NUP210L: variants seen among roughly 807,000 people sequenced by gnomAD.
NUP210L encodes the protein nucleoporin 210 like, also known as nuclear pore membrane glycoprotein 210-like.
NUP210L carries 74 observed loss-of-function variants against 208.5 expected under a neutral mutation model. That is an observed-to-expected ratio of 0.35 (90% CI 0.29 to 0.43). The LOEUF is 0.43. Among genes scored for constraint, NUP210L ranks in the 20% least tolerant of loss-of-function variants. The probability of loss-of-function intolerance (pLI) is 1.00; values close to 1 mark genes in which losing one functional copy is unlikely to be tolerated. For synonymous variants in NUP210L, 780 were observed against 816.9 expected, an observed-to-expected ratio of 0.95 and a Z score of 0.77; for missense variants, 1,843 against 2,289.4, an observed-to-expected ratio of 0.81 and a Z score of 3.98.
intron 35 of NUP210L, among the ~76,000 whole-genome samples, chr1:154,008,219 C>G (rs1366461752): frequency 6.6e-6 from 1 of 152,080 alleles, no homozygotes; most frequent in Non-Finnish European, 1.5e-5. Context: ...ATATATGTGT[C>G]TACCCTGTAA....
intron 25 of NUP210L, among the ~76,000 whole-genome samples, chr1:154,053,925 A>G (rs1653668047): frequency 6.6e-6 from 1 of 152,202 alleles, no homozygotes; most frequent in Non-Finnish European, 1.5e-5. Flanking sequence ...TACCCCATAA[A>G]TACATATATT....
At chr1:154,050,644 C>T (rs752268426) in intron 25 of NUP210L, among the ~76,000 whole-genome samples, 16 of 152,156 alleles carry the variant, frequency 1.1e-4, no homozygotes, top group Non-Finnish European at 1.5e-4. Flanking sequence ...GTCCCTCTCA[C>T]GAAGGCATAA....
intron 2 of NUP210L, among the ~76,000 whole-genome samples, chr1:154,149,187 GT>G (rs1291292951): frequency 1.4e-5 from 2 of 147,888 alleles, no homozygotes; most frequent in African/African-American, 5.0e-5. Context: ...CCGGGTCCAA[GT>G]GATTCTCCTG....
At chr1:154,131,905 T>C (rs113652370) in intron 7 of NUP210L, among the ~76,000 whole-genome samples, 3 of 152,066 alleles carry the variant, frequency 2.0e-5, no homozygotes, top group East Asian at 3.9e-4. Context: ...CCTAGGTTCA[T>C]GCGATTCTCC....
At chr1:154,032,242 T>C (rs935223932) in intron 27 of NUP210L, among the ~76,000 whole-genome samples, 15 of 152,198 alleles carry the variant, frequency 9.9e-5, no homozygotes, top group Non-Finnish European at 1.5e-5. Context: ...GTTGGGATCA[T>C]ATGGTAGTTT....
chr1:154,085,137 G>A (rs888232221), intron 16 of NUP210L, among the ~76,000 whole-genome samples: 1 of 147,488 alleles, frequency 6.8e-6, no homozygotes, highest in African/African-American at 2.5e-5. Flanking sequence ...CATGAGATCA[G>A]GAGCTTGAGA....
At chr1:154,076,882 C>G (rs1428290925) in intron 16 of NUP210L, among the ~76,000 whole-genome samples, 1 of 151,932 alleles carries the variant, frequency 6.6e-6, no homozygotes, top group Admixed American at 6.6e-5. Context: ...AACATCAATC[C>G]ATCAACATCA....
chr1:154,034,449 C>T (rs1448965566), intron 27 of NUP210L, among the ~76,000 whole-genome samples: 1 of 152,068 alleles, frequency 6.6e-6, no homozygotes, highest in African/African-American at 2.4e-5. Context: ...CTGCTTCAGC[C>T]TCCCGAGTAG....
In NUP210L at chr1:154,071,311, C is replaced by T. The variant is rs576788704; in HGVS notation, c.2362-846G>A. Among the ~76,000 whole-genome samples the T allele has an allele frequency of 2.3e-4, 35 of 151,196 alleles. 1 individual carries two copies. In the South Asian group the frequency reaches 5.6e-3, roughly 24 times the overall value. On this transcript the variant is annotated intron_variant, in intron 16 of 39. Coordinates refer to ENST00000368559, the Ensembl canonical transcript of NUP210L. ...TTTAATTTTTAAATTTTTTTATGTC[C>T]GTAAGTTTTTGGGGAACAGGTGGTA...
At chr1:154,142,688 C>T (rs528286420) in intron 3 of NUP210L, among the ~76,000 whole-genome samples, 32 of 151,840 alleles carry the variant, frequency 2.1e-4, no homozygotes, top group African/African-American at 6.3e-4. Context: ...GCCAGGAGTT[C>T]GAGACCAGCC....
intron 12 of NUP210L, among the ~76,000 whole-genome samples, chr1:154,116,933 G>C (rs1657361004): frequency 6.6e-6 from 1 of 152,204 alleles, no homozygotes; most frequent in African/African-American, 2.4e-5. Context: ...AAGCACTGGA[G>C]TAAACACTAT....
intron 27 of NUP210L, chr1:154,039,790 G>T (rs750012639): frequency 6.6e-6 from 1 of 152,048 alleles, no homozygotes; most frequent in Non-Finnish European, 1.5e-5. Context: ...CCTTACTTGG[G>T]TTAAATCTGC....
chr1:154,102,071 A>C (rs2148065626), intron 13 of NUP210L, among the ~76,000 whole-genome samples: 1 of 152,258 alleles, frequency 6.6e-6, no homozygotes, highest in East Asian at 1.9e-4. Context: ...GAATCACTTG[A>C]ACCTGGGAGG....
intron 20 of NUP210L, among the ~76,000 whole-genome samples, chr1:154,059,853 A>C (rs1654047640): frequency 6.6e-6 from 1 of 152,186 alleles, no homozygotes; most frequent in Non-Finnish European, 1.5e-5. Flanking sequence ...TATTTTTATT[A>C]CTATAAATCA....
chr1:154,152,855 T>C (rs1468136009), exon 2 of NUP210L: 1 of 1,614,098 alleles, frequency 6.2e-7, no homozygotes, highest in Non-Finnish European at 8.5e-7. Flanking sequence ...AGTAACTGCA[T>C]CATGATGGGT....
In NUP210L at chr1:154,129,338, ATGAAC is replaced by A. The variant is rs1658135516; in HGVS notation, c.1012_1016del (p.Val338TyrfsTer46). 1 of 1,607,952 alleles carries A rather than the reference ATGAAC, an allele frequency of 6.2e-7. No homozygotes were observed. Among genetic ancestry groups the A allele is most frequent in the Non-Finnish European group, 8.5e-7 (1 of 1,176,420 alleles). ...TTGGGAGTCCAGACACAGATCGCAT[ATGAAC>A]ATCTTAATTTTTGCTTAAGGAAATC... is the stretch of plus-strand genomic sequence containing the variant. On this transcript the variant is annotated frameshift_variant and splice_region_variant, in exon 8 of 40. Coordinates refer to ENST00000368559, the Ensembl canonical transcript of NUP210L. LOFTEE classifies it high-confidence loss of function.
intron 1 of NUP210L, 95 bp from the exon 2 acceptor site, chr1:154,152,967 T>C: frequency 9.6e-7 from 1 of 1,040,606 alleles, no homozygotes; most frequent in Non-Finnish European, 1.5e-6. Flanking sequence ...TGTTACATAC[T>C]ACCAGGTATA....
chr1:153,993,107 A>G lies in NUP210L; in HGVS notation c.5492-18T>C. On this transcript the variant is annotated intron_variant, in intron 38 of 39. Transcript: ENST00000368559. Reference sequence around the variant, plus strand: ...ATTGTATGCTGGAAAAAGGACAGGAAATGTCACAAGGCATATCTGAGGAAG... The same window carrying G: ...ATTGTATGCTGGAAAAAGGACAGGAGATGTCACAAGGCATATCTGAGGAAG... 1 of 1,601,866 alleles carries G rather than the reference A, an allele frequency of 6.2e-7. No individual in the cohort carries two copies. The highest frequency in any genetic ancestry group is 8.5e-7 in the Non-Finnish European group (1 of 1,171,888).
chr1:154,080,241 T>C (rs1655249985), intron 16 of NUP210L, among the ~76,000 whole-genome samples: 1 of 151,564 alleles, frequency 6.6e-6, no homozygotes, highest in African/African-American at 2.4e-5. Flanking sequence ...ATGCCTGTAA[T>C]CCCAGCTACT....
Sources: allele counts gnomAD v4.1 joint callset (sites outside exome capture counted in the v4.1 genomes callset), GRCh38; gene constraint gnomAD v4.1.1; transcripts MANE v1.5; gene names NCBI Gene and HGNC (gene_info 2026-07-23, HGNC 2026-07-21).